COG3: variants seen among roughly 807,000 people sequenced by gnomAD.
COG3 encodes the protein component of oligomeric golgi complex 3, also known as conserved oligomeric Golgi complex subunit 3.
COG3 carries 32 observed loss-of-function variants against 114.1 expected under a neutral mutation model. The ratio of observed to expected loss-of-function variants is 0.28; its 90% CI spans 0.21 to 0.38. COG3 has a LOEUF of 0.38. COG3 is among the 10% of genes least tolerant of loss of function. COG3 has a pLI of 1.00. For synonymous variants in COG3, 352 were observed against 365.7 expected (o/e 0.96, Z 0.43); for missense variants, 813 against 973.2 (o/e 0.84, Z 2.19).
chr13:45,503,244 C>G lies in COG3; in HGVS notation c.1489C>G (p.Gln497Glu), dbSNP rs752174302. ...AYPDKLVMME[Q>E]IAQSLKDEQK... The stretch of plus-strand genomic sequence containing the variant: ...CATTCCTTCTGATTTCTTTATACAG[C>G]AGATTGCACAGAGTTTGAAAGATGA... Residue 497 changes from glutamine to glutamate, a missense_variant and splice_region_variant, in exon 14 of 23, where the codon CAG becomes GAG. Gln to Glu is a conservative substitution (Grantham distance 29). Transcript: ENST00000349995. The G allele has an allele frequency of 1.8e-5, 27 of 1,498,626 alleles. No individual in the cohort carries two copies. The Admixed American group carries it at 4.4e-4, about 24-fold the overall frequency. 92.8% of individuals were successfully genotyped at this position (1,498,626 alleles called of 1,614,324 possible).
chr13:45,502,267 G>A (rs889512610), intron 13 of COG3, among the ~76,000 whole-genome samples: 5 of 152,140 alleles, frequency 3.3e-5, no homozygotes, highest in Admixed American at 6.5e-5. Flanking sequence ...TTGTATTATA[G>A]ATAAGAATGC....
At chr13:45,469,278 AGAGTT>A (rs1433635195) in intron 1 of COG3, among the ~76,000 whole-genome samples, 1 of 152,236 alleles carries the variant, frequency 6.6e-6, no homozygotes, top group African/African-American at 2.4e-5. Context: ...TTTCTCAAGT[AGAGTT>A]TTCAAATTAT....
intron 14 of COG3, 92 bp downstream of exon 14, chr13:45,503,441 C>T (rs1490265674): frequency 1.4e-6 from 1 of 710,460 alleles, no homozygotes; most frequent in Non-Finnish European, 2.5e-6. Flanking sequence ...TGAAAAACAA[C>T]TTGTGCCTTT....
At chr13:45,512,014 G>C (rs568115779) in intron 16 of COG3, 160 bp downstream of exon 16, 2 of 612,480 alleles carry the variant, frequency 3.3e-6, no homozygotes, top group Non-Finnish European at 5.8e-6. Flanking sequence ...TTTCATTATA[G>C]TGCTAAATAA....
At chr13:45,507,661 A>T (rs914741688) in intron 14 of COG3, among the ~76,000 whole-genome samples, 1 of 151,900 alleles carries the variant, frequency 6.6e-6, no homozygotes, top group Non-Finnish European at 1.5e-5. Flanking sequence ...GCTACTCGGG[A>T]GGCTGAGGCA....
chr13:45,486,713 A>T (rs1886692000), intron 8 of COG3, 138 bp downstream of exon 8: 1 of 662,732 alleles, frequency 1.5e-6, no homozygotes. Context: ...CTTCCACATT[A>T]TAGCAGTGTA....
intron 13 of COG3, among the ~76,000 whole-genome samples, chr13:45,501,121 C>T (rs1440469761): frequency 2.0e-5 from 3 of 152,214 alleles, no homozygotes; most frequent in Non-Finnish European, 2.9e-5. Context: ...TGTCAGGTTT[C>T]ACCACCGTGC....
intron 12 of COG3, 75 bp downstream of exon 12, chr13:45,493,561 C>T: frequency 1.5e-6 from 2 of 1,313,398 alleles, no homozygotes; most frequent in South Asian, 2.8e-5. Context: ...AGTGCTTCTT[C>T]CCTCACCCCA....
chr13:45,509,944 CTT>C (rs1870672802), intron 15 of COG3, 128 bp downstream of exon 15: 1 of 975,250 alleles, frequency 1.0e-6, no homozygotes, highest in Non-Finnish European at 1.5e-6. Flanking sequence ...ATGGAAGTAA[CTT>C]GAGGTCAAGC....
rs10571583 is a variant in COG3, at chr13:45,508,068, TAAAAAA to T, written c.1595-1598_1595-1593del. Among the ~76,000 whole-genome samples, 27 of 32,270 alleles carry T rather than the reference TAAAAAA, an allele frequency of 8.4e-4. No individual in the cohort carries two copies. The South Asian group carries it at 0.024, about 29-fold the overall frequency. The allele number at this position is 32,270 out of a possible 152,430, so 21.2% of individuals were successfully genotyped here. A position where few individuals can be genotyped will look rare whatever the true frequency, so the allele number is the denominator to read the frequency against. Reference sequence around the variant, plus strand: ...TAGGTGACAGAGCCTAGGTCCAACCTAAAAAAAAAAAAAAAAAAAAAAAAAAAAAAA... The same window carrying T: ...TAGGTGACAGAGCCTAGGTCCAACCTAAAAAAAAAAAAAAAAAAAAAAAAA... On this transcript the variant is annotated intron_variant, in intron 14 of 22. Transcript: ENST00000349995.
At chr13:45,469,103 T>C (rs1283254620) in intron 1 of COG3, among the ~76,000 whole-genome samples, 3 of 152,228 alleles carry the variant, frequency 2.0e-5, no homozygotes, top group African/African-American at 7.2e-5. Context: ...TGGTTTTGTA[T>C]TAGAACAAGG....
intron 2 of COG3, among the ~76,000 whole-genome samples, chr13:45,477,003 C>G (rs1028962566): frequency 5.3e-5 from 8 of 152,194 alleles, no homozygotes; most frequent in Admixed American, 4.6e-4. Context: ...CTAGGCTGAC[C>G]TGCACCTGAA....
chr13:45,514,719 C>T (rs985851108), intron 16 of COG3, among the ~76,000 whole-genome samples: 5 of 151,894 alleles, frequency 3.3e-5, no homozygotes, highest in African/African-American at 1.2e-4. Context: ...GTGATCTTGG[C>T]TCACTGCAAG....
chr13:45,468,838 G>A (rs1268551814), intron 1 of COG3, among the ~76,000 whole-genome samples: 1 of 152,212 alleles, frequency 6.6e-6, no homozygotes, highest in East Asian at 1.9e-4. Context: ...GTGCTGGTAA[G>A]CAGCAGGCAT....
At chr13:45,473,453 G>A (rs1242991941) in intron 1 of COG3, among the ~76,000 whole-genome samples, 2 of 151,954 alleles carry the variant, frequency 1.3e-5, no homozygotes, top group South Asian at 2.1e-4. Flanking sequence ...ATATCACCCC[G>A]GCCCCCCTTA....
chr13:45,487,090 A>G (rs1453509507), intron 8 of COG3, among the ~76,000 whole-genome samples: 1 of 152,184 alleles, frequency 6.6e-6, no homozygotes, highest in East Asian at 1.9e-4. Flanking sequence ...CAGAATAGAG[A>G]GCTCAGAAAT....
chr13:45,508,665 G>A (rs776267230), intron 14 of COG3, among the ~76,000 whole-genome samples: 1 of 152,080 alleles, frequency 6.6e-6, no homozygotes, highest in Non-Finnish European at 1.5e-5. Flanking sequence ...AATATCACCT[G>A]TTGTCTCAAA....
chr13:45,481,407 T>C (rs539120059), intron 5 of COG3, 103 bp downstream of exon 5: 29 of 655,578 alleles, frequency 4.4e-5, no homozygotes, highest in Non-Finnish European at 7.1e-5. Context: ...AGTGATATTT[T>C]AATTTAGCTT....
intron 19 of COG3, among the ~76,000 whole-genome samples, chr13:45,522,031 T>C (rs1397252128): frequency 6.6e-6 from 1 of 152,062 alleles, no homozygotes; most frequent in Non-Finnish European, 1.5e-5. Flanking sequence ...TCTCAAACTC[T>C]TGGCCTCAAG....
Sources: gnomAD v4.1 joint callset for allele counts (sites outside exome capture counted in the v4.1 genomes callset) on GRCh38, gnomAD v4.1.1 for gene constraint, MANE v1.5 for transcripts, NCBI Gene and HGNC (gene_info 2026-07-23, HGNC 2026-07-21) for gene names.